The following SLC24A3 variants were observed in gnomAD, a reference collection of about 807,000 sequenced individuals.
SLC24A3 encodes solute carrier family 24 member 3.
SLC24A3 carries 28 observed loss-of-function variants against 75.8 expected under a neutral mutation model. The ratio of observed to expected loss-of-function variants is 0.37; its 90% CI spans 0.27 to 0.51. The LOEUF (loss-of-function observed/expected upper bound fraction) is 0.51. SLC24A3 is among the 20% of genes least tolerant of loss of function. SLC24A3 has a pLI of 0.94. For missense variants in SLC24A3, 663 were observed against 847.8 expected (o/e 0.78, Z 2.71); for synonymous variants, 372 against 334.1 (o/e 1.11, Z -1.24).
intron 7 of SLC24A3, among the ~76,000 whole-genome samples, chr20:19,660,492 T>C (rs2032314892): frequency 6.6e-6 from 1 of 152,204 alleles, no homozygotes; most frequent in South Asian, 2.1e-4. Context: ...GGCTCAGTAG[T>C]ATTCCATGGT....
At chr20:19,566,654 C>A (rs2328413) in intron 3 of SLC24A3, among the ~76,000 whole-genome samples, 90,094 of 152,130 alleles carry the variant, frequency 0.59, 28,079 homozygotes, top group Non-Finnish European at 0.67. Context: ...ATTCCTTATT[C>A]TACAAGAGAG....
At chr20:19,219,023 G>A (rs1981637580) in intron 1 of SLC24A3, among the ~76,000 whole-genome samples, 1 of 151,932 alleles carries the variant, frequency 6.6e-6, no homozygotes, top group Admixed American at 6.6e-5. Flanking sequence ...TATAGAGCTT[G>A]TTTGGCAATT....
chr20:19,440,257 C>G (rs2328384), intron 2 of SLC24A3, among the ~76,000 whole-genome samples: 58,174 of 152,100 alleles, frequency 0.38, 11,350 homozygotes, highest in East Asian at 0.46. Flanking sequence ...ACCGTGCATC[C>G]ACTCACCTTA....
chr20:19,649,091 A>G (rs1353193627), intron 6 of SLC24A3, among the ~76,000 whole-genome samples: 1 of 152,202 alleles, frequency 6.6e-6, no homozygotes, highest in African/African-American at 2.4e-5. Context: ...TCATTTTGCA[A>G]AGGGCTACAG....
chr20:19,701,086 T>C (rs2032866390), intron 15 of SLC24A3, among the ~76,000 whole-genome samples: 1 of 152,248 alleles, frequency 6.6e-6, no homozygotes, highest in Admixed American at 6.5e-5. Flanking sequence ...CCTCATATCC[T>C]GACCACAGGA....
At chr20:19,572,563 G>A (rs2031070307) in intron 3 of SLC24A3, among the ~76,000 whole-genome samples, 2 of 152,116 alleles carry the variant, frequency 1.3e-5, no homozygotes, top group African/African-American at 2.4e-5. Flanking sequence ...AAAATCAAAA[G>A]CCTTCAAAGA....
At chr20:19,699,285 A>G (rs6075561) in intron 15 of SLC24A3, among the ~76,000 whole-genome samples, 70,215 of 152,172 alleles carry the variant, frequency 0.46, 17,566 homozygotes, top group East Asian at 0.68. Context: ...GATGCCATCC[A>G]GGCTGGCCAC....
At chr20:19,680,730 C>G (rs1336534619) in intron 9 of SLC24A3, among the ~76,000 whole-genome samples, 1 of 152,238 alleles carries the variant, frequency 6.6e-6, no homozygotes, top group Non-Finnish European at 1.5e-5. Flanking sequence ...CTCTTCGTCT[C>G]TCTGAGGTCT....
At chr20:19,650,734 T>A (rs991512628) in intron 6 of SLC24A3, among the ~76,000 whole-genome samples, 2 of 152,196 alleles carry the variant, frequency 1.3e-5, no homozygotes, top group Admixed American at 1.3e-4. Context: ...ATACAACCAC[T>A]CTTCATAGTT....
intron 3 of SLC24A3, among the ~76,000 whole-genome samples, chr20:19,521,644 G>A (rs1176780496): frequency 1.3e-5 from 2 of 152,282 alleles, no homozygotes; most frequent in Non-Finnish European, 2.9e-5. Context: ...TCTGGAAGGA[G>A]CCTCACCAAA....
At chr20:19,324,047 G>A (rs1020626324) in intron 2 of SLC24A3, among the ~76,000 whole-genome samples, 2 of 152,158 alleles carry the variant, frequency 1.3e-5, no homozygotes, top group South Asian at 2.1e-4. Context: ...AGTGCCCGGC[G>A]CAGGATGAGA....
chr20:19,671,671 G>T (rs556511505), intron 8 of SLC24A3, among the ~76,000 whole-genome samples: 68 of 150,748 alleles, frequency 4.5e-4, no homozygotes, highest in African/African-American at 1.6e-3. Flanking sequence ...TTGTTTTTTT[G>T]TTTTAAGGAG....
chr20:19,261,179 G>C lies in SLC24A3; in HGVS notation c.143-19780G>C, dbSNP rs545816974. Among the ~76,000 whole-genome samples, 19 of 152,234 alleles carry C rather than the reference G, an allele frequency of 1.2e-4. No individual in the cohort carries two copies. In the South Asian group the frequency reaches 3.5e-3, roughly 28 times the overall value. Reference sequence around the variant, plus strand: ...TGGGAATTTATTCCAGAGACTCCTCGTTCTGGTCTGTCCTCCCTCTCTACT... The same window carrying C: ...TGGGAATTTATTCCAGAGACTCCTCCTTCTGGTCTGTCCTCCCTCTCTACT... On this transcript the variant is annotated intron_variant, in intron 1 of 16. Transcript: ENST00000328041.
intron 2 of SLC24A3, among the ~76,000 whole-genome samples, chr20:19,390,408 T>G (rs1406063523): frequency 6.6e-6 from 1 of 152,152 alleles, no homozygotes; most frequent in Non-Finnish European, 1.5e-5. Flanking sequence ...CTAAAGTCCT[T>G]GGTAGGCTTG....
At position 19,496,112 on chromosome 20, in the gene SLC24A3, G is replaced by C. The variant is rs189701892; in HGVS notation, c.272-19376G>C. ...CTCTGGGACACCCCGGCTCCCTTTG[G>C]CTGGCACAGGGAATGGAAACTTTGG... On this transcript the variant is annotated intron_variant, in intron 2 of 16. Coordinates refer to ENST00000328041, the MANE Select transcript of SLC24A3 (RefSeq NM_020689.4). Among the ~76,000 whole-genome samples, 3 of 152,274 alleles carry C rather than the reference G, an allele frequency of 2.0e-5. No homozygotes were observed. The East Asian group carries it at 5.8e-4, about 29-fold the overall frequency.
intron 2 of SLC24A3, among the ~76,000 whole-genome samples, chr20:19,400,236 A>G (rs1186925706): frequency 6.6e-6 from 1 of 151,988 alleles, no homozygotes. Flanking sequence ...TAGGTGCTGG[A>G]TATGTTTGTA....
At chr20:19,591,488 T>C (rs960160266) in intron 6 of SLC24A3, among the ~76,000 whole-genome samples, 7 of 110,152 alleles carry the variant, frequency 6.4e-5, no homozygotes, top group African/African-American at 2.0e-4. Context: ...TCCTTCCTCA[T>C]ACTAGTTTTT....
intron 2 of SLC24A3, among the ~76,000 whole-genome samples, chr20:19,383,279 A>G (rs1215521502): frequency 1.3e-5 from 2 of 152,196 alleles, no homozygotes; most frequent in African/African-American, 4.8e-5. Context: ...TTAATCCCGT[A>G]CTTCAAAAAG....
chr20:19,213,724 T>C (rs1435185421), intron 1 of SLC24A3, among the ~76,000 whole-genome samples: 1 of 152,238 alleles, frequency 6.6e-6, no homozygotes, highest in East Asian at 1.9e-4. Flanking sequence ...CCACAACTTT[T>C]GTCTTGTCTT....
Sources: gnomAD v4.1 joint callset for allele counts (sites outside exome capture counted in the v4.1 genomes callset) on GRCh38, gnomAD v4.1.1 for gene constraint, MANE v1.5 for transcripts, NCBI Gene and HGNC (gene_info 2026-07-23, HGNC 2026-07-21) for gene names.